PUM2: variants seen among roughly 807,000 people sequenced by gnomAD.
PUM2 encodes pumilio homolog 2.
Under a neutral mutation model 124.5 loss-of-function variants are expected in PUM2, and 57 were observed. The observed-to-expected ratio is 0.46, with a 90% CI of 0.37 to 0.57. The LOEUF (loss-of-function observed/expected upper bound fraction) is 0.57. Among genes scored for constraint, PUM2 ranks in the 20% least tolerant of loss-of-function variants. The probability of loss-of-function intolerance (pLI) is 0.00; values close to 1 mark genes in which losing one functional copy is unlikely to be tolerated. For synonymous variants in PUM2, 460 were observed against 446.1 expected, an observed-to-expected ratio of 1.03 and a Z score of -0.39; for missense variants, 1,065 against 1,290.6, an observed-to-expected ratio of 0.83 and a Z score of 2.68.
intron 1 of PUM2, among the ~76,000 whole-genome samples, chr2:20,340,759 A>G (rs1415117504): frequency 6.6e-6 from 1 of 152,218 alleles, no homozygotes; most frequent in Non-Finnish European, 1.5e-5. Context: ...AAGTTTCCCA[A>G]CTAAAAAATT....
At chr2:20,260,490 T>C (rs1665913295) in intron 14 of PUM2, 24 bp from the exon 15 acceptor site, 1 of 1,580,596 alleles carries the variant, frequency 6.3e-7, no homozygotes, top group Non-Finnish European at 8.7e-7. Flanking sequence ...ATTTTTAATA[T>C]GACAATATGT....
At position 20,312,409 on chromosome 2, in the gene PUM2, G is replaced by A; in HGVS notation, c.175C>T (p.Gln59Ter). 1.2e-6 allele frequency: 2 copies of A among 1,612,968 alleles called. No individual in the cohort carries two copies. The highest frequency in any genetic ancestry group is 1.7e-6 in the Non-Finnish European group (2 of 1,179,532). Reference protein sequence around the residue: ...AWGASHHSMSQPIMVQRRSGQ... With the variant: ...AWGASHHSMS ...GATCTTCTCTGTACCATAATAGGCT[G>A]GGACATTGAATGGTCTGTTTGGAAG... Residue 59 changes from glutamine to a stop codon, truncating the protein, a stop_gained, in exon 4 of 21, where the codon CAG (glutamine) becomes TAG (stop). Transcript: ENST00000361078. LOFTEE classifies it high-confidence loss of function.
chr2:20,331,579 C>G (rs1244335198), intron 1 of PUM2: 1 of 103,904 alleles, frequency 9.6e-6, no homozygotes, highest in Non-Finnish European at 2.0e-5. Flanking sequence ...GGGGAAAGGG[C>G]AAACCCAATA....
In PUM2 at chr2:20,253,962, G is replaced by A; in HGVS notation, c.2923C>T (p.Leu975=). Residue 975 remains leucine (L), a synonymous_variant, in exon 20 of 21, where the codon CTG becomes TTG. Coordinates refer to ENST00000361078, the MANE Select transcript of PUM2 (RefSeq NM_015317.5). ...THASRAERAL[L]IDEVCCQNDG... ...TTCTGGCAGCAAACCTCGTCAATCA[G>A]TAAAGCTCTCTCAGCACGGGAGGCA... 4 of 1,614,088 alleles carry A rather than the reference G, an allele frequency of 2.5e-6. No homozygotes were observed. Among genetic ancestry groups the A allele is most frequent in the Non-Finnish European group, 3.4e-6 (4 of 1,179,972 alleles).
rs945088336 is a variant in PUM2 at position 20,260,441 on chromosome 2, C to T, written c.2251G>A (p.Ala751Thr). Residue 751 changes from alanine (A) to threonine (T), a missense_variant, in exon 15 of 21, where the codon GCT becomes ACT. This residue lies in a region of PUM2 where 968 missense variants were observed against 1,159.8 expected (regional missense o/e 0.83). Coordinates refer to ENST00000361078, the MANE Select transcript of PUM2 (RefSeq NM_015317.5). Reference sequence around the variant, plus strand: ...ACCATCTGTCGCTCAGCTGGAGTAGCTCTCTCTAGTTTTTGCTGTATGAAT... The same window carrying T: ...ACCATCTGTCGCTCAGCTGGAGTAGTTCTCTCTAGTTTTTGCTGTATGAAT... ...SRFIQQKLER[A>T]TPAERQMVFN... is the part of the protein sequence containing the mutation. The T allele has an allele frequency of 6.2e-7, 1 of 1,609,518 alleles. No homozygotes were observed. The highest frequency in any genetic ancestry group is 8.5e-7 in the Non-Finnish European group (1 of 1,176,292).
intron 1 of PUM2, among the ~76,000 whole-genome samples, chr2:20,343,541 C>T (rs1190751614): frequency 2.0e-5 from 3 of 152,184 alleles, no homozygotes; most frequent in Non-Finnish European, 4.4e-5. Context: ...ATGTACAATT[C>T]TCATTAGCCA....
At chr2:20,275,007 A>C (rs895045122) in intron 13 of PUM2, among the ~76,000 whole-genome samples, 1 of 142,308 alleles carries the variant, frequency 7.0e-6, no homozygotes, top group African/African-American at 2.6e-5. Flanking sequence ...AATGATGTAT[A>C]AAACAACTGT....
intron 16 of PUM2, 72 bp downstream of exon 16, chr2:20,258,171 A>C: frequency 7.4e-7 from 1 of 1,346,626 alleles, no homozygotes; most frequent in Non-Finnish European, 1.0e-6. Context: ...AGATTACTGT[A>C]AGATTAAAAA....
chr2:20,294,983 T>C (rs1027104989), intron 8 of PUM2, among the ~76,000 whole-genome samples: 11 of 152,330 alleles, frequency 7.2e-5, no homozygotes, highest in African/African-American at 2.6e-4. Context: ...CATGCTACAA[T>C]GGTATTTGAG....
At chr2:20,299,139 G>C (rs756247117) in intron 7 of PUM2, among the ~76,000 whole-genome samples, 1 of 152,274 alleles carries the variant, frequency 6.6e-6, no homozygotes, top group Admixed American at 6.5e-5. Flanking sequence ...GAAGCCAGTC[G>C]GTCAGAAGTT....
intron 13 of PUM2, among the ~76,000 whole-genome samples, chr2:20,277,953 A>G (rs1467035078): frequency 6.6e-6 from 1 of 152,180 alleles, no homozygotes; most frequent in Non-Finnish European, 1.5e-5. Flanking sequence ...TCACCAATTT[A>G]ATAATTTGGG....
chr2:20,297,625 T>C lies in PUM2; in HGVS notation c.937A>G (p.Ile313Val), dbSNP rs370587629. The change falls in exon 8 of 21, where the codon ATT (isoleucine) becomes GTT (valine). Residue 313 changes from isoleucine to valine, a missense_variant. Physicochemically the swap from Ile to Val is conservative, Grantham distance 29. This residue lies in a region of PUM2 where 968 missense variants were observed against 1,159.8 expected (regional missense o/e 0.83). Coordinates refer to ENST00000361078, the MANE Select transcript of PUM2 (RefSeq NM_015317.5). Reference protein sequence around the residue: ...APAAFVPNPYIISAAPPGTDP... With the variant: ...APAAFVPNPYVISAAPPGTDP... ...GTCCCTGGAGGAGCAGCACTAATAA[T>C]GTATGGATTTGGCACAAATGCAGCT... The C allele has an allele frequency of 8.7e-6, 14 of 1,613,002 alleles. No individual in the cohort carries two copies. The South Asian group carries it at 1.2e-4, about 14-fold the overall frequency.
chr2:20,296,495 A>C (rs1385296724), intron 8 of PUM2, among the ~76,000 whole-genome samples: 1 of 63,580 alleles, frequency 1.6e-5, no homozygotes, highest in African/African-American at 5.8e-5. Context: ...ACTCTGTCTC[A>C]AAAAAAAAAA....
chr2:20,315,761 G>A (rs1286438288), intron 3 of PUM2, among the ~76,000 whole-genome samples: 1 of 133,250 alleles, frequency 7.5e-6, no homozygotes. Flanking sequence ...AGGGGTTTGC[G>A]ACAAGCCTCG....
intron 10 of PUM2, among the ~76,000 whole-genome samples, chr2:20,285,268 C>T (rs1023955695): frequency 6.6e-6 from 1 of 152,216 alleles, no homozygotes; most frequent in African/African-American, 2.4e-5. Flanking sequence ...TCCTGTCCAA[C>T]CAGATTATAT....
chr2:20,315,924 G>A (rs2148674735), intron 3 of PUM2, among the ~76,000 whole-genome samples: 1 of 150,854 alleles, frequency 6.6e-6, no homozygotes, highest in East Asian at 1.9e-4. Flanking sequence ...AATAAACTGT[G>A]CATTCAACTT....
chr2:20,350,863 G>A (rs1689252938), upstream of PUM2: 1 of 898,122 alleles, frequency 1.1e-6, no homozygotes, highest in Non-Finnish European at 1.3e-6. Context: ...CCCACCGGGC[G>A]CGCGCAGTGC....
At chr2:20,278,868 TA>T in intron 12 of PUM2, 49 bp from the exon 13 acceptor site, 1 of 1,385,182 alleles carries the variant, frequency 7.2e-7, no homozygotes. Context: ...GTTAACTGAA[TA>T]AAATCTATCC....
At chr2:20,255,080 GGATA>G (rs1376408676) in intron 18 of PUM2, 96 bp from the exon 19 acceptor site, 1 of 1,484,992 alleles carries the variant, frequency 6.7e-7, no homozygotes, top group African/African-American at 1.4e-5. Flanking sequence ...AAATCCAGTA[GGATA>G]GTTAGGAGAA....
Sources: allele counts gnomAD v4.1 joint callset (sites outside exome capture counted in the v4.1 genomes callset), GRCh38; gene constraint gnomAD v4.1.1; regional missense constraint gnomAD v4.1.1; transcripts MANE v1.5; gene names NCBI Gene and HGNC (gene_info 2026-07-23, HGNC 2026-07-21).